The following PPP1R15A variants were observed in gnomAD, a reference collection of about 807,000 sequenced individuals.
PPP1R15A encodes the protein growth arrest and DNA damage-inducible protein GADD34.
In PPP1R15A, 43 loss-of-function variants were observed where a neutral mutation model predicts 48.5. The ratio of observed to expected loss-of-function variants is 0.89; its 90% CI spans 0.69 to 1.14. PPP1R15A has a LOEUF of 1.14. PPP1R15A is among the 50% of genes most tolerant of loss of function. The pLI, the probability that PPP1R15A is intolerant of heterozygous loss-of-function variation, is 0.00. For missense variants in PPP1R15A, 868 were observed against 847.2 expected (o/e 1.02, Z -0.30); for synonymous variants, 327 against 327.4 (o/e 1.00, Z 0.01).
In PPP1R15A at chr19:48,876,003, CTA is replaced by C. The variant is rs750361540; in HGVS notation, c.*32_*33del. The C allele has an allele frequency of 4.6e-6, 7 of 1,515,928 alleles. No homozygotes were observed. In the Admixed American group the frequency reaches 6.7e-5, roughly 14 times the overall value. 93.9% of individuals were successfully genotyped at this position (1,515,928 alleles called of 1,614,324 possible). On this transcript the variant is annotated 3_prime_UTR_variant, in exon 3 of 3. Coordinates refer to ENST00000200453, the MANE Select transcript of PPP1R15A (RefSeq NM_014330.5). ...AACTGGTTTGCCTATAATTTATTAA[CTA>C]TTTATTTTTTCTAAGTGTGGGTTTA...
chr19:48,875,590 C>A, intron 2 of PPP1R15A, 24 bp from the exon 3 acceptor site: 1 of 1,564,920 alleles, frequency 6.4e-7, no homozygotes, highest in South Asian at 1.1e-5. Flanking sequence ...CATCTCCTGC[C>A]TGTGTCCCCA....
chr19:48,875,799 A>G lies in PPP1R15A; in HGVS notation c.1851A>G (p.Ala617=). The change falls in exon 3 of 3, where the codon GCA becomes GCG. Residue 617 remains alanine (A), a synonymous_variant. Coordinates refer to ENST00000200453, the MANE Select transcript of PPP1R15A (RefSeq NM_014330.5). ...LTPAARARAW[A]RLRNPPLAPI... Reference sequence around the variant, plus strand: ...CTGCTGCCCGGGCCAGAGCCTGGGCACGCCTCAGGAACCCACCTTTAGCCC... The same window carrying G: ...CTGCTGCCCGGGCCAGAGCCTGGGCGCGCCTCAGGAACCCACCTTTAGCCC... 2 of 1,613,860 alleles carry G rather than the reference A, an allele frequency of 1.2e-6. No individual in the cohort carries two copies. The highest frequency in any genetic ancestry group is 1.7e-6 in the Non-Finnish European group (2 of 1,179,828).
Position 48,874,755 on chromosome 19 carries a change from C to G in PPP1R15A, c.1522C>G (p.Arg508Gly). 6.2e-7 allele frequency: 1 copy of G among 1,614,058 alleles called. No homozygotes were observed. The highest frequency in any genetic ancestry group is 8.5e-7 in the Non-Finnish European group (1 of 1,180,004). ...DWGEAEPCPF[R>G]VAIYVPGEKP... ...GGGAGAAGCTGAGCCCTGCCCCTTC[C>G]GAGTGGCCATCTATGTACCTGGAGA... Residue 508 changes from arginine to glycine, a missense_variant, in exon 2 of 3, where the codon CGA becomes GGA. Transcript: ENST00000200453.
In PPP1R15A at chr19:48,874,089, C is replaced by T. The variant is rs2037046159; in HGVS notation, c.856C>T (p.Pro286Ser). 1 of 1,614,014 alleles carries T rather than the reference C, an allele frequency of 6.2e-7. No individual in the cohort carries two copies. The highest frequency in any genetic ancestry group is 8.5e-7 in the Non-Finnish European group (1 of 1,180,024). The change falls in exon 2 of 3, where the codon CCA (proline) becomes TCA (serine). Residue 286 changes from proline (P) to serine (S), a missense_variant. Physicochemically the swap from Pro to Ser is moderately conservative, Grantham distance 74 (BLOSUM62 -1). Coordinates refer to ENST00000200453, the MANE Select transcript of PPP1R15A (RefSeq NM_014330.5). The part of the protein sequence containing the change: ...HKETGKGEAA[P>S]GPQSSAPAQR... ...AGAAACTGGGAAAGGAGAAGCTGCC[C>T]CAGGGCCGCAATCCTCAGCCCCAGC... is the stretch of plus-strand genomic sequence containing the variant.
At chr19:48,875,347 C>CA in intron 2 of PPP1R15A, 1 of 537,366 alleles carries the variant, frequency 1.9e-6, no homozygotes. Flanking sequence ...TGTACGCTGT[C>CA]ACGCAATCCC....
At position 48,873,766 on chromosome 19, in the gene PPP1R15A, C is replaced by T. The variant is rs935840391; in HGVS notation, c.533C>T (p.Ser178Phe). The change falls in exon 2 of 3, where the codon TCT (serine) becomes TTT (phenylalanine). Residue 178 changes from serine (S) to phenylalanine (F), a missense_variant. Coordinates refer to ENST00000200453, the MANE Select transcript of PPP1R15A (RefSeq NM_014330.5). ...GAAGAGGAGGGAGTTAACAAGTTCT[C>T]TTATCCACCATCACACCGGGAGTGT... The part of the protein sequence containing the change: ...VAEEEGVNKF[S>F]YPPSHRECCP... The T allele has an allele frequency of 4.3e-6, 7 of 1,613,980 alleles. No individual in the cohort carries two copies. Among genetic ancestry groups the T allele is most frequent in the East Asian group, 4.5e-5 (2 of 44,868 alleles).
rs2037079690 is a variant in PPP1R15A, at chr19:48,876,011, T to A, written c.*38T>A. 6.6e-7 allele frequency: 1 copy of A among 1,508,416 alleles called. No individual in the cohort carries two copies. The highest frequency in any genetic ancestry group is 8.9e-7 in the Non-Finnish European group (1 of 1,129,274). 93.4% of individuals were successfully genotyped at this position (1,508,416 alleles called of 1,614,324 possible). A position where few individuals can be genotyped will look rare whatever the true frequency, so the allele number is the denominator to read the frequency against. ...TGCCTATAATTTATTAACTATTTAT[T>A]TTTTCTAAGTGTGGGTTTATATAAG... On this transcript the variant is annotated 3_prime_UTR_variant, in exon 3 of 3. Transcript: ENST00000200453.
In PPP1R15A at chr19:48,875,941, G is replaced by A. The variant is rs778609437; in HGVS notation, c.1993G>A (p.Ala665Thr). ...TPSRSSAAAA[A>T]ALDLSGRRG ...TTCCCGCTCGTCTGCTGCTGCAGCG[G>A]CTGCCCTGGACCTCAGTGGGAGGCG... is the stretch of plus-strand genomic sequence containing the variant. The change falls in exon 3 of 3, where the codon GCT (alanine) becomes ACT (threonine). Residue 665 changes from alanine to threonine, a missense_variant. Ala to Thr is a moderately conservative substitution (Grantham distance 58, BLOSUM62 0). Coordinates refer to ENST00000200453, the MANE Select transcript of PPP1R15A (RefSeq NM_014330.5). 1.2e-6 allele frequency: 2 copies of A among 1,606,362 alleles called. No homozygotes were observed. Among genetic ancestry groups the A allele is most frequent in the African/African-American group, 2.7e-5 (2 of 74,788 alleles).
intron 1 of PPP1R15A, 70 bp downstream of exon 1, chr19:48,872,721 T>G (rs1018912853): frequency 1.6e-5 from 5 of 321,256 alleles, no homozygotes; most frequent in African/African-American, 1.1e-4. Flanking sequence ...GAGAAGGGGT[T>G]GGGAGCCTGG....
Position 48,873,466 on chromosome 19 carries a change from G to T in PPP1R15A, c.233G>T (p.Arg78Leu), listed in dbSNP as rs1169384137. The change falls in exon 2 of 3, where the codon CGC becomes CTC. Residue 78 changes from arginine (R) to leucine (L), a missense_variant. Physicochemically the swap from Arg to Leu is moderately radical, Grantham distance 102 (BLOSUM62 -2). Coordinates refer to ENST00000200453, the MANE Select transcript of PPP1R15A (RefSeq NM_014330.5). Reference sequence around the variant, plus strand: ...ATCCCCCATACCCCTTGGGGCAGACGCCCTGAAGAGGAGGCTGAAGACAGT... The same window carrying T: ...ATCCCCCATACCCCTTGGGGCAGACTCCCTGAAGAGGAGGCTGAAGACAGT... ...LAIPHTPWGR[R>L]PEEEAEDSGG... 2 of 1,613,740 alleles carry T rather than the reference G, an allele frequency of 1.2e-6. No individual in the cohort carries two copies. Among genetic ancestry groups the T allele is most frequent in the African/African-American group, 2.7e-5 (2 of 74,936 alleles).
In PPP1R15A at chr19:48,875,681, G is replaced by A. The variant is rs200500833; in HGVS notation, c.1733G>A (p.Arg578His). Residue 578 changes from arginine (R) to histidine (H), a missense_variant, in exon 3 of 3, where the codon CGC (arginine) becomes CAC (histidine). Arg to His is a conservative substitution (Grantham distance 29). Transcript: ENST00000200453. ...TGGGCAGGGCCGGCCCAGGCCGCCCGCCAGGGCCCCTGGGAGCAGCTTGCT... is the reference window on the plus strand; with the variant it reads ...TGGGCAGGGCCGGCCCAGGCCGCCCACCAGGGCCCCTGGGAGCAGCTTGCT... The part of the protein sequence containing the change: ...AVWAGPAQAA[R>H]QGPWEQLARD... 8.9e-5 allele frequency: 144 copies of A among 1,611,166 alleles called. No individual in the cohort carries two copies. The Admixed American group carries it at 1.7e-3, about 19-fold the overall frequency.
rs1246686239 is a variant in PPP1R15A at position 48,875,928 on chromosome 19, TGCTGCTGCAGCG to T, written c.1986_1997del (p.Ala663_Ala666del). 2 of 1,610,478 alleles carry T rather than the reference TGCTGCTGCAGCG, an allele frequency of 1.2e-6. No homozygotes were observed. Among genetic ancestry groups the T allele is most frequent in the Non-Finnish European group, 1.7e-6 (2 of 1,177,298 alleles). ...CTGTGGCCACACCTTCCCGCTCGTC[TGCTGCTGCAGCG>T]GCTGCCCTGGACCTCAGTGGGAGGC... is the stretch of plus-strand genomic sequence containing the variant. On this transcript the variant is annotated inframe_deletion, in exon 3 of 3. Coordinates refer to ENST00000200453, the MANE Select transcript of PPP1R15A (RefSeq NM_014330.5).
At chr19:48,873,118 ATT>A in intron 1 of PPP1R15A, 105 bp from the exon 2 acceptor site, 1 of 1,381,900 alleles carries the variant, frequency 7.2e-7, no homozygotes, top group South Asian at 1.9e-5. Flanking sequence ...TCGCGTTGCT[ATT>A]TACAATAGTT....
chr19:48,872,527 A>C lies in PPP1R15A; in HGVS notation c.-134A>C. 2.2e-6 allele frequency: 1 copy of C among 456,134 alleles called. No individual in the cohort carries two copies. The highest frequency in any genetic ancestry group is 3.3e-4 in the Middle Eastern group (1 of 3,068). 28.3% of individuals were successfully genotyped at this position (456,134 alleles called of 1,614,324 possible). A position where few individuals can be genotyped will look rare whatever the true frequency, so the allele number is the denominator to read the frequency against. ...GAGGCAGCCGGAGATACTCTGAGTT[A>C]CTCGGAGCCCGACGCCTGAGGGTGA... On this transcript the variant is annotated 5_prime_UTR_variant, in exon 1 of 3. Coordinates refer to ENST00000200453, the MANE Select transcript of PPP1R15A (RefSeq NM_014330.5).
chr19:48,875,227 G>A, intron 2 of PPP1R15A: 1 of 327,796 alleles, frequency 3.1e-6, no homozygotes, highest in South Asian at 6.1e-5. Context: ...TACCACATCT[G>A]GCTGAGAGCC....
chr19:48,875,248 A>C (rs2037067058), intron 2 of PPP1R15A: 5 of 331,362 alleles, frequency 1.5e-5, no homozygotes, highest in Non-Finnish European at 2.8e-5. Context: ...CAGATTCTTG[A>C]GTCTTAGAAA....
chr19:48,873,391 C>A lies in PPP1R15A; in HGVS notation c.158C>A (p.Ala53Glu). ...TGGCTGGTGGAAGCAGTAAAAGGAG[C>A]AGCTCTGGTAGAAGCTGGCCTGGAG... ...EPWLVEAVKG[A>E]ALVEAGLEGE... The change falls in exon 2 of 3, where the codon GCA becomes GAA. Residue 53 changes from alanine to glutamate, a missense_variant. Physicochemically the swap from Ala to Glu is moderately radical, Grantham distance 107. Transcript: ENST00000200453. 1 of 1,613,732 alleles carries A rather than the reference C, an allele frequency of 6.2e-7. No homozygotes were observed. The highest frequency in any genetic ancestry group is 1.3e-5 in the African/African-American group (1 of 75,038).
At position 48,872,464 on chromosome 19, in the gene PPP1R15A, G is replaced by C. The variant is rs773313018; in HGVS notation, c.-197G>C. 2.2e-6 allele frequency: 1 copy of C among 456,440 alleles called. No individual in the cohort carries two copies. Among genetic ancestry groups the C allele is most frequent in the Non-Finnish European group, 4.4e-6 (1 of 226,772 alleles). 28.3% of individuals were successfully genotyped at this position (456,440 alleles called of 1,614,324 possible). A position where few individuals can be genotyped will look rare whatever the true frequency, so the allele number is the denominator to read the frequency against. On this transcript the variant is annotated 5_prime_UTR_variant, in exon 1 of 3. Transcript: ENST00000200453. ...CCCAGTTGTTGATCTTATGCAAGAC[G>C]CTGCACGACCCCGCGCCCGCTTGTC...
chr19:48,875,201 G>A (rs2037066499), intron 2 of PPP1R15A: 1 of 343,852 alleles, frequency 2.9e-6, no homozygotes, highest in East Asian at 5.0e-5. Flanking sequence ...AAAGTGCTGG[G>A]ATTACAGGCG....
Sources: gnomAD v4.1 joint callset for allele counts on GRCh38, gnomAD v4.1.1 for gene constraint, MANE v1.5 for transcripts, NCBI Gene and HGNC (gene_info 2026-07-23, HGNC 2026-07-21) for gene names.